Variants in SGCZ observed in about 807,000 individuals in gnomAD.
The protein encoded by SGCZ is sarcoglycan zeta, also known as zeta-sarcoglycan.
Under a neutral mutation model 41.3 loss-of-function variants are expected in SGCZ, and 40 were observed. The observed-to-expected ratio is 0.97, with a 90% CI of 0.75 to 1.26. The LOEUF (loss-of-function observed/expected upper bound fraction) is 1.26, where lower values mean the gene tolerates loss of function less well. SGCZ is among the 50% of genes most tolerant of loss of function. The pLI is 0.00. For missense variants in SGCZ, 552 were observed against 369.8 expected (o/e 1.49, Z -4.04); for synonymous variants, 206 against 137.5 (o/e 1.50, Z -3.49).
At chr8:15,024,358 A>G (rs1184324953) in intron 1 of SGCZ, among the ~76,000 whole-genome samples, 2 of 152,180 alleles carry the variant, frequency 1.3e-5, no homozygotes, top group Non-Finnish European at 2.9e-5. Context: ...TTGAGGAGAC[A>G]CTGCTAACAT....
chr8:14,808,746 C>T (rs1188623805), intron 1 of SGCZ, among the ~76,000 whole-genome samples: 2 of 151,866 alleles, frequency 1.3e-5, no homozygotes, highest in East Asian at 3.9e-4. Context: ...ACCCAAAGAA[C>T]TATAAATCAT....
intron 1 of SGCZ, among the ~76,000 whole-genome samples, chr8:14,965,487 A>G (rs1397645256): frequency 6.6e-6 from 1 of 152,194 alleles, no homozygotes; most frequent in Admixed American, 6.5e-5. Context: ...TAAAATGTAG[A>G]ATTTTAGGCC....
At chr8:15,070,433 G>A (rs1449014447) in intron 1 of SGCZ, among the ~76,000 whole-genome samples, 1 of 152,108 alleles carries the variant, frequency 6.6e-6, no homozygotes, top group Non-Finnish European at 1.5e-5. Flanking sequence ...TTCCGTAACA[G>A]CAAAGCATTT....
chr8:15,108,155 T>C (rs1806902900), intron 1 of SGCZ, among the ~76,000 whole-genome samples: 2 of 152,240 alleles, frequency 1.3e-5, no homozygotes, highest in South Asian at 4.1e-4. Context: ...TTATTCCTTC[T>C]GTTTTCCATG....
At chr8:14,988,174 T>A (rs1358739461) in intron 1 of SGCZ, among the ~76,000 whole-genome samples, 2 of 151,916 alleles carry the variant, frequency 1.3e-5, no homozygotes, top group Non-Finnish European at 2.9e-5. Flanking sequence ...ATACAGTATC[T>A]GTGATATCCA....
In SGCZ at chr8:14,569,299, TA is replaced by T. The variant is rs1804477882; in HGVS notation, c.40-14374del. Among the ~76,000 whole-genome samples the T allele has an allele frequency of 2.0e-5, 3 of 152,346 alleles. No homozygotes were observed. The South Asian group carries it at 6.2e-4, about 32-fold the overall frequency. The stretch of plus-strand genomic sequence containing the variant: ...TAGATCTTATATTCTTCTTCAGAGT[TA>T]AATAGCTCCATTATTTTTTATTTCT... On this transcript the variant is annotated intron_variant, in intron 1 of 7. Coordinates refer to ENST00000382080, the MANE Select transcript of SGCZ (RefSeq NM_139167.4).
chr8:15,162,745 A>C (rs1318632475), intron 1 of SGCZ, among the ~76,000 whole-genome samples: 2 of 152,228 alleles, frequency 1.3e-5, no homozygotes, highest in African/African-American at 4.8e-5. Context: ...TGATCTGTGT[A>C]ACCATTTAGT....
At position 14,842,077 on chromosome 8, in the gene SGCZ, C is replaced by T. The variant is rs774999548; in HGVS notation, c.40-287151G>A. On this transcript the variant is annotated intron_variant, in intron 1 of 7. Coordinates refer to ENST00000382080, the MANE Select transcript of SGCZ (RefSeq NM_139167.4). ...AATCCTGGGGTAGATTCTAGTAAGACGATGATAAAACAAAACAGAAACTTT... is the reference window on the plus strand; with the variant it reads ...AATCCTGGGGTAGATTCTAGTAAGATGATGATAAAACAAAACAGAAACTTT... Among the ~76,000 whole-genome samples the T allele has an allele frequency of 4.6e-5, 7 of 151,950 alleles. No homozygotes were observed. The South Asian group carries it at 6.2e-4, about 14-fold the overall frequency.
chr8:14,471,251 T>A (rs778553472), intron 2 of SGCZ, among the ~76,000 whole-genome samples: 3 of 152,152 alleles, frequency 2.0e-5, no homozygotes, highest in Non-Finnish European at 2.9e-5. Context: ...AATGTTATTG[T>A]TTGACTCATG....
chr8:14,321,755 C>T (rs1210503976), intron 3 of SGCZ, among the ~76,000 whole-genome samples: 1 of 152,008 alleles, frequency 6.6e-6, no homozygotes, highest in Non-Finnish European at 1.5e-5. Context: ...TAGAACTACA[C>T]GAACTTTGGA....
At chr8:14,283,737 G>A (rs35790742) in intron 3 of SGCZ, among the ~76,000 whole-genome samples, 32,224 of 152,140 alleles carry the variant, frequency 0.21, 4,529 homozygotes, top group Non-Finnish European at 0.31. Context: ...AATAGTTTAG[G>A]ATTTCTGGGC....
intron 1 of SGCZ, among the ~76,000 whole-genome samples, chr8:14,969,276 G>T (rs555658091): frequency 6.6e-6 from 1 of 152,032 alleles, no homozygotes; most frequent in Non-Finnish European, 1.5e-5. Context: ...TAGGCCACTG[G>T]CCTAATTGTG....
intron 4 of SGCZ, among the ~76,000 whole-genome samples, chr8:14,176,109 TA>T (rs1274765356): frequency 1.3e-5 from 2 of 152,168 alleles, no homozygotes; most frequent in African/African-American, 4.8e-5. Flanking sequence ...TAGGAGATTA[TA>T]AAATGCTTTC....
chr8:14,478,574 A>T (rs1801429227), intron 2 of SGCZ, among the ~76,000 whole-genome samples: 1 of 150,438 alleles, frequency 6.6e-6, no homozygotes, highest in South Asian at 2.1e-4. Context: ...TTTTTAGGGC[A>T]GTGAAACGCT....
chr8:14,676,649 A>C (rs113187935), intron 1 of SGCZ, among the ~76,000 whole-genome samples: 1,904 of 152,310 alleles, frequency 0.013, 35 homozygotes, highest in African/African-American at 0.031. Flanking sequence ...CATTAGAAAA[A>C]TACAAGATAT....
chr8:15,222,359 T>C (rs1023457024), intron 1 of SGCZ, among the ~76,000 whole-genome samples: 1 of 151,994 alleles, frequency 6.6e-6, no homozygotes, highest in Non-Finnish European at 1.5e-5. Flanking sequence ...AGTTAAAACA[T>C]AGTTTTCAAG....
chr8:14,107,668 T>C (rs1383331703), intron 6 of SGCZ, among the ~76,000 whole-genome samples: 1 of 152,154 alleles, frequency 6.6e-6, no homozygotes, highest in Non-Finnish European at 1.5e-5. Flanking sequence ...AGATGGGGTC[T>C]TGCTGTGTTG....
intron 2 of SGCZ, among the ~76,000 whole-genome samples, chr8:14,515,538 A>G (rs1435671725): frequency 6.6e-6 from 1 of 151,946 alleles, no homozygotes; most frequent in Non-Finnish European, 1.5e-5. Context: ...CACAATATCT[A>G]TTTGAATAGA....
At chr8:14,653,739 C>T (rs889098501) in intron 1 of SGCZ, among the ~76,000 whole-genome samples, 9 of 152,108 alleles carry the variant, frequency 5.9e-5, no homozygotes, top group African/African-American at 1.7e-4. Context: ...AGTTTTCAAA[C>T]GCAATGCCAT....
Sources: allele counts gnomAD v4.1 joint callset (sites outside exome capture counted in the v4.1 genomes callset), GRCh38; gene constraint gnomAD v4.1.1; transcripts MANE v1.5; gene names NCBI Gene and HGNC (gene_info 2026-07-23, HGNC 2026-07-21).